CDIN1: variants seen among roughly 807,000 people sequenced by gnomAD.
The protein encoded by CDIN1 is CDAN1-interacting nuclease 1.
In CDIN1, 33 loss-of-function variants were observed where a neutral mutation model predicts 45.3. The ratio of observed to expected loss-of-function variants is 0.73; its 90% CI spans 0.55 to 0.97. The LOEUF (loss-of-function observed/expected upper bound fraction) is 0.97. Among genes scored for constraint, CDIN1 ranks in the 50% least tolerant of loss-of-function variants. The pLI, the probability that CDIN1 is intolerant of heterozygous loss-of-function variation, is 0.00. For missense variants in CDIN1, 303 were observed against 339.4 expected, an observed-to-expected ratio of 0.89 and a Z score of 0.84; for synonymous variants, 118 against 124.4, an observed-to-expected ratio of 0.95 and a Z score of 0.34.
Position 36,691,700 on chromosome 15 carries a change from T to A in CDIN1, c.362T>A (p.Ile121Lys). The change falls in exon 6 of 11, where the codon ATA becomes AAA. Residue 121 changes from isoleucine (I) to lysine (K), a missense_variant. Coordinates refer to ENST00000566621, the MANE Select transcript of CDIN1 (RefSeq NM_001321759.2). ...HEETPPSKSI[I>K]NSMLRDPSQI... ...TCTTCTACAGCCTCCAAGTCTATTA[T>A]AAATAGTATGCTACGGGACCCTTCT... The A allele has an allele frequency of 6.3e-7, 1 of 1,599,644 alleles. No homozygotes were observed.
chr15:36,666,539 T>C (rs1321870461), intron 5 of CDIN1, among the ~76,000 whole-genome samples: 1 of 152,242 alleles, frequency 6.6e-6, no homozygotes, highest in African/African-American at 2.4e-5. Context: ...TGTATAGATC[T>C]CTGTTTAATC....
At chr15:36,790,974 A>G (rs968114471) in intron 10 of CDIN1, among the ~76,000 whole-genome samples, 5 of 151,920 alleles carry the variant, frequency 3.3e-5, no homozygotes, top group African/African-American at 1.2e-4. Context: ...CCCAATAGTT[A>G]TTTTTTCTGA....
intron 10 of CDIN1, among the ~76,000 whole-genome samples, chr15:36,802,685 A>T (rs1401818474): frequency 6.6e-6 from 1 of 152,148 alleles, no homozygotes; most frequent in Non-Finnish European, 1.5e-5. Context: ...TTTAAAAAAA[A>T]AGAGTAAGCA....
chr15:36,597,316 C>T (rs1302043224), intron 1 of CDIN1, among the ~76,000 whole-genome samples: 1 of 152,128 alleles, frequency 6.6e-6, no homozygotes, highest in Non-Finnish European at 1.5e-5. Flanking sequence ...TTGCAATGCT[C>T]AAACTCTTTC....
At chr15:36,736,682 C>G (rs2044032721) in intron 10 of CDIN1, among the ~76,000 whole-genome samples, 1 of 152,240 alleles carries the variant, frequency 6.6e-6, no homozygotes, top group African/African-American at 2.4e-5. Context: ...ATCCAGATCT[C>G]TTTAAAATCT....
chr15:36,695,686 A>G (rs1223542317), intron 7 of CDIN1, among the ~76,000 whole-genome samples: 1 of 152,054 alleles, frequency 6.6e-6, no homozygotes, highest in Non-Finnish European at 1.5e-5. Flanking sequence ...ATCTGTACTA[A>G]AAACACAAAA....
At chr15:36,634,621 A>G (rs899662978) in intron 1 of CDIN1, among the ~76,000 whole-genome samples, 1 of 152,000 alleles carries the variant, frequency 6.6e-6, no homozygotes, top group Non-Finnish European at 1.5e-5. Context: ...TTGTTTGTAG[A>G]TCTTGCTGTT....
rs373988619 is a variant in CDIN1, at chr15:36,742,788, G to T, written c.716+32827G>T. 2.0e-5 allele frequency among the ~76,000 whole-genome samples: 3 copies of T among 152,244 alleles called. No individual in the cohort carries two copies. The East Asian group carries it at 5.8e-4, about 29-fold the overall frequency. ...TACCTTGTGCTGGGTACAGGGGTAG[G>T]CAATAAAGATAAAAGATAAGCATGG... On this transcript the variant is annotated intron_variant, in intron 10 of 10. Transcript: ENST00000566621.
At chr15:36,749,727 C>T (rs905984469) in intron 10 of CDIN1, among the ~76,000 whole-genome samples, 11 of 152,216 alleles carry the variant, frequency 7.2e-5, no homozygotes, top group African/African-American at 2.4e-4. Flanking sequence ...AGCTCCCAAA[C>T]AACCATAGAG....
chr15:36,581,217 A>C (rs2037026527), intron 1 of CDIN1, among the ~76,000 whole-genome samples: 1 of 152,226 alleles, frequency 6.6e-6, no homozygotes, highest in Non-Finnish European at 1.5e-5. Flanking sequence ...GGGAATAGGT[A>C]GATTTTTCTG....
intron 1 of CDIN1, 120 bp downstream of exon 1, chr15:36,580,081 CG>C (rs1408147682): frequency 1.2e-5 from 10 of 829,292 alleles, no homozygotes; most frequent in Admixed American, 2.9e-5. Context: ...CAGTGTCAGG[CG>C]TTAGGAGGTC....
chr15:36,698,627 T>A (rs993206575), intron 8 of CDIN1, among the ~76,000 whole-genome samples: 4 of 152,204 alleles, frequency 2.6e-5, no homozygotes, highest in African/African-American at 9.6e-5. Context: ...CTGATAGTAT[T>A]GTGAAACATC....
At chr15:36,651,207 G>A (rs1218606818) in intron 3 of CDIN1, among the ~76,000 whole-genome samples, 2 of 152,152 alleles carry the variant, frequency 1.3e-5, no homozygotes, top group African/African-American at 2.4e-5. Context: ...AATGACATCT[G>A]TATATCCCAG....
At chr15:36,663,227 A>T (rs1475083894) in intron 5 of CDIN1, among the ~76,000 whole-genome samples, 1 of 152,160 alleles carries the variant, frequency 6.6e-6, no homozygotes, top group African/African-American at 2.4e-5. Context: ...ATGGGGTTAT[A>T]TGATGGAAGA....
chr15:36,709,268 T>G lies in CDIN1; in HGVS notation c.590T>G (p.Phe197Cys), dbSNP rs754194143. 2.5e-6 allele frequency: 4 copies of G among 1,602,154 alleles called. No individual in the cohort carries two copies. The highest frequency in any genetic ancestry group is 3.4e-6 in the Non-Finnish European group (4 of 1,173,768). The change falls in exon 9 of 11, where the codon TTC becomes TGC. Residue 197 changes from phenylalanine (F) to cysteine (C), a missense_variant. Phe to Cys is a radical substitution (Grantham distance 205, BLOSUM62 -2). Coordinates refer to ENST00000566621, the MANE Select transcript of CDIN1 (RefSeq NM_001321759.2). ...AAGGGTTATGACAAAACACCAGACT[T>G]CATTTTACAAGTACCAGTTGGTAAG... is the stretch of plus-strand genomic sequence containing the variant. ...RAKGYDKTPD[F>C]ILQVPVAVEG... is the part of the protein sequence containing the mutation.
intron 10 of CDIN1, among the ~76,000 whole-genome samples, chr15:36,754,863 C>A (rs906809960): frequency 6.6e-6 from 1 of 152,070 alleles, no homozygotes; most frequent in Non-Finnish European, 1.5e-5. Context: ...TAAAGTTACA[C>A]GCCTTGAAAG....
At chr15:36,627,232 C>T in intron 1 of CDIN1, 1 of 170,836 alleles carries the variant, frequency 5.9e-6, no homozygotes, top group Non-Finnish European at 1.3e-5. Context: ...AGTGACCTTG[C>T]AATAGTGACC....
chr15:36,773,250 T>A (rs1566964056), intron 10 of CDIN1, among the ~76,000 whole-genome samples: 1 of 152,184 alleles, frequency 6.6e-6, no homozygotes, highest in Admixed American at 6.5e-5. Flanking sequence ...CTAGGGCTAT[T>A]GGTCCCATGG....
At chr15:36,757,237 A>T (rs113653642) in intron 10 of CDIN1, among the ~76,000 whole-genome samples, 1 of 152,196 alleles carries the variant, frequency 6.6e-6, no homozygotes, top group Non-Finnish European at 1.5e-5. Context: ...AGTTAGGGTT[A>T]TGGAGGCCCA....
Sources: allele counts gnomAD v4.1 joint callset (sites outside exome capture counted in the v4.1 genomes callset), GRCh38; gene constraint gnomAD v4.1.1; transcripts MANE v1.5; gene names NCBI Gene and HGNC (gene_info 2026-07-23, HGNC 2026-07-21).